CIPC: variants seen among roughly 807,000 people sequenced by gnomAD.
CIPC encodes CLOCK-interacting pacemaker.
Under a neutral mutation model 26.7 loss-of-function variants are expected in CIPC, and 12 were observed. The observed-to-expected ratio is 0.45, with a 90% CI of 0.29 to 0.73. CIPC has a LOEUF of 0.73. Among genes scored for constraint, CIPC ranks in the 30% least tolerant of loss-of-function variants. The pLI, the probability that CIPC is intolerant of heterozygous loss-of-function variation, is 0.12. For synonymous variants in CIPC, 170 were observed against 189.8 expected (o/e 0.90, Z 0.86); for missense variants, 417 against 486.5 (o/e 0.86, Z 1.34).
intron 2 of CIPC, among the ~76,000 whole-genome samples, chr14:77,108,679 G>A (rs1327779615): frequency 1.3e-5 from 2 of 151,044 alleles, no homozygotes; most frequent in East Asian, 1.9e-4. Flanking sequence ...CAACAAGAGC[G>A]AAACTCTGTC....
intron 1 of CIPC, among the ~76,000 whole-genome samples, chr14:77,101,092 G>A (rs534996000): frequency 1.3e-5 from 2 of 152,126 alleles, no homozygotes; most frequent in Non-Finnish European, 2.9e-5. Context: ...GAACACAGTG[G>A]GTAAGAGCTT....
rs911484533 is a variant in CIPC, at chr14:77,117,200, A to G, written c.*2882A>G. ...TTTAGGGTAGAAATTTATTTAGCAA[A>G]TGTGAATTCTTTTGAGAAAGTATGA... On this transcript the variant is annotated 3_prime_UTR_variant, in exon 4 of 4. Transcript: ENST00000361786. 1 of 152,642 alleles carries G rather than the reference A, an allele frequency of 6.6e-6. No individual in the cohort carries two copies. The highest frequency in any genetic ancestry group is 1.5e-5 in the Non-Finnish European group (1 of 68,040). 9.5% of individuals were successfully genotyped at this position (152,642 alleles called of 1,614,324 possible). A position where few individuals can be genotyped will look rare whatever the true frequency, so the allele number is the denominator to read the frequency against.
intron 1 of CIPC, among the ~76,000 whole-genome samples, chr14:77,102,783 T>C (rs1886517016): frequency 6.6e-6 from 1 of 152,192 alleles, no homozygotes; most frequent in Non-Finnish European, 1.5e-5. Flanking sequence ...CATGAATTAG[T>C]TTGAATGCCC....
chr14:77,111,970 T>C (rs1486116325), intron 3 of CIPC, among the ~76,000 whole-genome samples: 1 of 152,216 alleles, frequency 6.6e-6, no homozygotes, highest in Non-Finnish European at 1.5e-5. Flanking sequence ...GCCCTAGCAT[T>C]GCTTGCCTTA....
At chr14:77,110,041 A>G (rs1050673351) in intron 3 of CIPC, 60 bp downstream of exon 3, 1 of 1,514,528 alleles carries the variant, frequency 6.6e-7, no homozygotes. Flanking sequence ...GCTTCCGTGT[A>G]TAAAGGAAGA....
intron 1 of CIPC, among the ~76,000 whole-genome samples, chr14:77,105,371 G>A (rs1320756079): frequency 6.6e-6 from 1 of 152,004 alleles, no homozygotes; most frequent in Non-Finnish European, 1.5e-5. Flanking sequence ...ATTGGAAAAA[G>A]CCTAATCAAA....
At chr14:77,106,752 A>C (rs1886598134) in intron 2 of CIPC, among the ~76,000 whole-genome samples, 1 of 152,222 alleles carries the variant, frequency 6.6e-6, no homozygotes, top group Admixed American at 6.5e-5. Context: ...TTAGATTGGC[A>C]TATTTTCTCC....
chr14:77,102,107 C>T (rs1225016759), intron 1 of CIPC, among the ~76,000 whole-genome samples: 2 of 149,634 alleles, frequency 1.3e-5, no homozygotes, highest in Non-Finnish European at 3.0e-5. Flanking sequence ...AAAACAAAAA[C>T]AAAAAGAGTA....
chr14:77,114,865 G>GATCTA lies in CIPC; in HGVS notation c.*547_*548insATCTA. 6.5e-6 allele frequency: 1 copy of GATCTA among 154,120 alleles called. No homozygotes were observed. Among genetic ancestry groups the GATCTA allele is most frequent in the Non-Finnish European group, 1.4e-5 (1 of 69,220 alleles). 9.5% of individuals were successfully genotyped at this position (154,120 alleles called of 1,614,324 possible). A position where few individuals can be genotyped will look rare whatever the true frequency, so the allele number is the denominator to read the frequency against. On this transcript the variant is annotated 3_prime_UTR_variant, in exon 4 of 4. Coordinates refer to ENST00000361786, the MANE Select transcript of CIPC (RefSeq NM_033426.3). ...GGGCACAGGTTGCACCTGGGTGTGA[G>GATCTA]CACTTAATCACTCAACGCTTTGTTT...
intron 3 of CIPC, among the ~76,000 whole-genome samples, chr14:77,111,580 C>G (rs1481176824): frequency 6.6e-6 from 1 of 152,110 alleles, no homozygotes; most frequent in South Asian, 2.1e-4. Context: ...CATAATTAAC[C>G]ACAATGGATA....
chr14:77,113,796 A>C lies in CIPC; in HGVS notation c.678A>C (p.Ser226=), dbSNP rs371650589. 6.2e-7 allele frequency: 1 copy of C among 1,614,060 alleles called. No homozygotes were observed. The highest frequency in any genetic ancestry group is 1.3e-5 in the African/African-American group (1 of 75,056). The change falls in exon 4 of 4, where the codon TCA becomes TCC. Residue 226 remains serine (S), a synonymous_variant. Coordinates refer to ENST00000361786, the MANE Select transcript of CIPC (RefSeq NM_033426.3). ...CCAGCGCCAAACTTGCCGAGGACTC[A>C]GCTCTGCAGGGTGTGCCCTCTCTGG... The part of the protein sequence containing the change: ...APPSAKLAED[S]ALQGVPSLVA...
At position 77,098,900 on chromosome 14, in the gene CIPC, C is replaced by A. The variant is rs190143441; in HGVS notation, c.-53+539C>A. Among the ~76,000 whole-genome samples the A allele has an allele frequency of 4.7e-3, 721 of 152,258 alleles. 9 individuals are homozygous for A. Among genetic ancestry groups the A allele is most frequent in the African/African-American group, 0.017 (691 of 41,564 alleles). On this transcript the variant is annotated intron_variant, in intron 1 of 3. Transcript: ENST00000361786. ...GTGGCCAGCTTGCCAGGCTTGGTGT[C>A]GGGGGTAGTGTTTCTGGGGAGAAGG... is the stretch of plus-strand genomic sequence containing the variant.
rs766245014 is a variant in CIPC, at chr14:77,105,748, C to T, written c.40C>T (p.Leu14Phe). 1.2e-6 allele frequency: 2 copies of T among 1,614,150 alleles called. No homozygotes were observed. Among genetic ancestry groups the T allele is most frequent in the South Asian group, 1.1e-5 (1 of 91,076 alleles). The part of the protein sequence containing the change: ...KNPSRESPRR[L>F]SAKVGKGTEM... The stretch of plus-strand genomic sequence containing the variant: ...CCCATCCAGAGAGAGCCCCAGAAGA[C>T]TCTCTGCCAAAGTAGGCAAAGGCAC... Residue 14 changes from leucine (L) to phenylalanine (F), a missense_variant, in exon 2 of 4, where the codon CTC (leucine) becomes TTC (phenylalanine). By Grantham distance (22) the Leu-to-Phe change is conservative (BLOSUM62 0). Coordinates refer to ENST00000361786, the MANE Select transcript of CIPC (RefSeq NM_033426.3).
rs1886662523 is a variant in CIPC at position 77,109,984 on chromosome 14, G to A, written c.306+3G>A. On this transcript the variant is annotated splice_donor_region_variant and intron_variant, in intron 3 of 3. Transcript: ENST00000361786. ...TGAAGAATGTGCTTGTCAAACAGGT[G>A]AGGAGGACTAATATCACCTAAAGTC... is the stretch of plus-strand genomic sequence containing the variant. 2 of 1,613,972 alleles carry A rather than the reference G, an allele frequency of 1.2e-6. No individual in the cohort carries two copies. The highest frequency in any genetic ancestry group is 1.7e-6 in the Non-Finnish European group (2 of 1,179,892).
Position 77,113,670 on chromosome 14 carries a change from G to A in CIPC, c.552G>A (p.Val184=). The A allele has an allele frequency of 6.2e-7, 1 of 1,613,682 alleles. No individual in the cohort carries two copies. The highest frequency in any genetic ancestry group is 8.5e-7 in the Non-Finnish European group (1 of 1,179,852). The change falls in exon 4 of 4, where the codon GTG becomes GTA. Residue 184 remains valine, a synonymous_variant. Transcript: ENST00000361786. The part of the protein sequence containing the change: ...LGPEEKGTSG[V]QKKICTERLG... ...CAGAAGAAAAAGGAACAAGTGGAGT[G>A]CAGAAGAAAATCTGTACTGAGAGAC...
intron 2 of CIPC, among the ~76,000 whole-genome samples, chr14:77,108,288 A>T (rs977135547): frequency 2.6e-5 from 4 of 152,208 alleles, no homozygotes; most frequent in Admixed American, 2.6e-4. Context: ...TAAGTAATTT[A>T]TGGGATAATA....
chr14:77,115,899 T>C lies in CIPC; in HGVS notation c.*1581T>C, dbSNP rs1238907704. The C allele has an allele frequency of 6.6e-6, 1 of 152,228 alleles. No individual in the cohort carries two copies. Among genetic ancestry groups the C allele is most frequent in the East Asian group, 1.9e-4 (1 of 5,200 alleles). The allele number at this position is 152,228 out of a possible 1,614,324, so 9.4% of individuals were successfully genotyped here. On this transcript the variant is annotated 3_prime_UTR_variant, in exon 4 of 4. Transcript: ENST00000361786. Reference sequence around the variant, plus strand: ...TGGGGTTTTACCGTGTTGGCCAGGCTGGTCTCGAACTCCTGACCTCAGTTG... The same window carrying C: ...TGGGGTTTTACCGTGTTGGCCAGGCCGGTCTCGAACTCCTGACCTCAGTTG...
At chr14:77,106,150 C>G (rs1886586920) in intron 2 of CIPC, 1 of 195,458 alleles carries the variant, frequency 5.1e-6, no homozygotes, top group South Asian at 1.6e-4. Context: ...GTTTTACTTC[C>G]TTTTTCACAG....
In CIPC at chr14:77,107,627, T is replaced by TACAC. The variant is rs35968918; in HGVS notation, c.136+1812_136+1815dup. ...TATGCTTTCTCTCTCTCGCTCTCTTTACACACACACACACACACACACACA... is the reference window on the plus strand; with the variant it reads ...TATGCTTTCTCTCTCTCGCTCTCTTTACACACACACACACACACACACACACACA... On this transcript the variant is annotated intron_variant, in intron 2 of 3. Coordinates refer to ENST00000361786, the MANE Select transcript of CIPC (RefSeq NM_033426.3). 8.7e-3 allele frequency among the ~76,000 whole-genome samples: 1,311 copies of TACAC among 150,444 alleles called. 23 individuals are homozygous for TACAC. Among genetic ancestry groups the TACAC allele is most frequent in the East Asian group, 0.074 (376 of 5,098 alleles).
Sources: allele counts gnomAD v4.1 joint callset (sites outside exome capture counted in the v4.1 genomes callset), GRCh38; gene constraint gnomAD v4.1.1; transcripts MANE v1.5; gene names NCBI Gene and HGNC (gene_info 2026-07-23, HGNC 2026-07-21).